PCDHA5: variants seen among roughly 807,000 people sequenced by gnomAD.
PCDHA5 encodes protocadherin alpha-5.
PCDHA5 carries 43 observed loss-of-function variants against 61.6 expected under a neutral mutation model. That is an observed-to-expected ratio of 0.70 (90% CI 0.55 to 0.90). The LOEUF is 0.90. Among genes scored for constraint, PCDHA5 ranks in the 40% least tolerant of loss-of-function variants. PCDHA5 has a pLI of 0.00. For missense variants in PCDHA5, 1,298 were observed against 1,222.7 expected, an observed-to-expected ratio of 1.06 and a Z score of -0.92; for synonymous variants, 627 against 543.9, an observed-to-expected ratio of 1.15 and a Z score of -2.13.
At chr5:140,990,740 G>A (rs76434886) in intron 3 of PCDHA5, among the ~76,000 whole-genome samples, 1 of 152,170 alleles carries the variant, frequency 6.6e-6, no homozygotes, top group African/African-American at 2.4e-5. Flanking sequence ...AACAGCCCTA[G>A]GGTGGATACC....
intron 1 of PCDHA5, chr5:140,858,571 C>T: frequency 7.3e-7 from 1 of 1,362,320 alleles, no homozygotes. Flanking sequence ...CTAGTGATAC[C>T]TTTGTAATAT....
At chr5:140,867,200 A>G (rs1239575601) in intron 1 of PCDHA5, 1 of 152,126 alleles carries the variant, frequency 6.6e-6, no homozygotes, top group African/African-American at 2.4e-5. Context: ...TCCACATTCC[A>G]TGTAACATCT....
intron 1 of PCDHA5, chr5:140,858,722 C>T: frequency 2.0e-6 from 1 of 497,160 alleles, no homozygotes. Context: ...GGTTGCAGTT[C>T]TGACGATTTA....
At chr5:141,008,707 T>C (rs1255261995) in intron 3 of PCDHA5, among the ~76,000 whole-genome samples, 1 of 152,216 alleles carries the variant, frequency 6.6e-6, no homozygotes, top group Non-Finnish European at 1.5e-5. Flanking sequence ...TGGTTTCTAG[T>C]TGCTTGAGTG....
At chr5:140,947,083 A>G (rs1268359945) in intron 1 of PCDHA5, among the ~76,000 whole-genome samples, 2 of 151,728 alleles carry the variant, frequency 1.3e-5, no homozygotes, top group Non-Finnish European at 3.0e-5. Context: ...TTGAAACATC[A>G]GACTGTAGCC....
At chr5:140,850,364 C>T in intron 1 of PCDHA5, 1 of 1,597,830 alleles carries the variant, frequency 6.3e-7, no homozygotes, top group Non-Finnish European at 8.6e-7. Flanking sequence ...TCCCGTTCCG[C>T]GTGGGGCTGT....
chr5:140,902,572 G>A (rs1249141591), intron 1 of PCDHA5, among the ~76,000 whole-genome samples: 1 of 151,954 alleles, frequency 6.6e-6, no homozygotes, highest in Non-Finnish European at 1.5e-5. Flanking sequence ...GGGTTTTTAA[G>A]ATTTCAATAG....
chr5:140,967,053 G>A (rs1563359791), intron 1 of PCDHA5: 4 of 1,612,648 alleles, frequency 2.5e-6, no homozygotes, highest in Non-Finnish European at 3.4e-6. Flanking sequence ...GACCTGACGA[G>A]TGGAGCGCTC....
At chr5:140,937,866 C>T (rs892440956) in intron 1 of PCDHA5, among the ~76,000 whole-genome samples, 4 of 150,734 alleles carry the variant, frequency 2.7e-5, no homozygotes, top group African/African-American at 4.9e-5. Flanking sequence ...GAGCCGAGAT[C>T]GCGCCACTGC....
At chr5:140,999,947 G>A (rs993598998) in intron 3 of PCDHA5, among the ~76,000 whole-genome samples, 1 of 152,110 alleles carries the variant, frequency 6.6e-6, no homozygotes, top group Non-Finnish European at 1.5e-5. Flanking sequence ...CACCCAAAGA[G>A]GGTGAAATAC....
chr5:140,888,620 C>T lies in PCDHA5; in HGVS notation c.2352+64493C>T, dbSNP rs183005411. Among the ~76,000 whole-genome samples the T allele has an allele frequency of 3.4e-3, 514 of 152,264 alleles. 3 individuals are homozygous for T. The highest frequency in any genetic ancestry group is 0.014 in the Middle Eastern group (4 of 294). On this transcript the variant is annotated intron_variant, in intron 1 of 3. Coordinates refer to ENST00000529859, the MANE Select transcript of PCDHA5 (RefSeq NM_018908.3). ...AGCAGCTTTTAGTGTAGCACTAATT[C>T]GGCCTTCTATTACAGCAATACTTTC...
At chr5:140,911,474 C>T (rs782702993) in intron 1 of PCDHA5, among the ~76,000 whole-genome samples, 45 of 152,144 alleles carry the variant, frequency 3.0e-4, no homozygotes, top group Non-Finnish European at 2.8e-4. Flanking sequence ...ATAAGACTCT[C>T]ACTCAGGGCA....
intron 1 of PCDHA5, among the ~76,000 whole-genome samples, chr5:140,976,889 T>A (rs2096736169): frequency 6.6e-6 from 1 of 152,218 alleles, no homozygotes; most frequent in Admixed American, 6.5e-5. Context: ...TTAGGATACA[T>A]GCAACAGTAT....
In PCDHA5 at chr5:140,823,460, C is replaced by A; in HGVS notation, c.1685C>A (p.Pro562Gln). Residue 562 changes from proline to glutamine, a missense_variant, in exon 1 of 4, where the codon CCG becomes CAG. Pro to Gln is a moderately conservative substitution (Grantham distance 76). Transcript: ENST00000529859. The stretch of plus-strand genomic sequence containing the variant: ...GTGCTGGACGAGAACGACAACGCGC[C>A]GGCGCTGCTGGTGCCTCGAGTGGGT... Reference protein sequence around the residue: ...VFVLDENDNAPALLVPRVGGT... With the variant: ...VFVLDENDNAQALLVPRVGGT... 6.2e-7 allele frequency: 1 copy of A among 1,613,408 alleles called. No individual in the cohort carries two copies. The highest frequency in any genetic ancestry group is 8.5e-7 in the Non-Finnish European group (1 of 1,179,740).
At position 140,990,371 on chromosome 5, in the gene PCDHA5, A is replaced by G. The variant is rs570757505; in HGVS notation, c.2500+7808A>G. Reference sequence around the variant, plus strand: ...CCTGTACAGAAAATCTAATAAAGCAAATTTGTTGGTGATGTTCCAAGAAGG... The same window carrying G: ...CCTGTACAGAAAATCTAATAAAGCAGATTTGTTGGTGATGTTCCAAGAAGG... On this transcript the variant is annotated intron_variant, in intron 3 of 3. Coordinates refer to ENST00000529859, the MANE Select transcript of PCDHA5 (RefSeq NM_018908.3). 7.2e-5 allele frequency among the ~76,000 whole-genome samples: 11 copies of G among 152,154 alleles called. No homozygotes were observed. The East Asian group carries it at 1.9e-3, about 27-fold the overall frequency.
intron 1 of PCDHA5, among the ~76,000 whole-genome samples, chr5:140,946,207 A>G (rs1435472095): frequency 2.0e-5 from 3 of 152,068 alleles, no homozygotes; most frequent in Non-Finnish European, 4.4e-5. Flanking sequence ...AAAGCACACA[A>G]ATGACCAACA....
intron 1 of PCDHA5, chr5:140,825,401 T>C (rs112444110): frequency 1.4e-5 from 2 of 144,590 alleles, no homozygotes; most frequent in Non-Finnish European, 3.0e-5. Context: ...TCTAATATAT[T>C]ATATATTTTA....
rs2150129068 is a variant in PCDHA5 at position 140,823,777 on chromosome 5, C to T, written c.2002C>T (p.Leu668=). The T allele has an allele frequency of 6.2e-7, 1 of 1,613,860 alleles. No individual in the cohort carries two copies. The highest frequency in any genetic ancestry group is 8.5e-7 in the Non-Finnish European group (1 of 1,179,916). The change falls in exon 1 of 4, where the codon CTG becomes TTG. Residue 668 remains leucine (L), a synonymous_variant. Coordinates refer to ENST00000529859, the MANE Select transcript of PCDHA5 (RefSeq NM_018908.3). ...AGCCACAGCCACAGTGCTGGTGTCG[C>T]TGGTGGAAAGTGGCCAGGCGCCGAA... ...LTATATVLVS[L]VESGQAPKAS...
intron 1 of PCDHA5, among the ~76,000 whole-genome samples, chr5:140,844,982 A>T (rs2150375491): frequency 6.7e-6 from 1 of 149,170 alleles, no homozygotes; most frequent in East Asian, 1.9e-4. Context: ...TATTGTTTTA[A>T]ATCTTTTAAT....
Sources: allele counts gnomAD v4.1 joint callset (sites outside exome capture counted in the v4.1 genomes callset), GRCh38; gene constraint gnomAD v4.1.1; transcripts MANE v1.5; gene names NCBI Gene and HGNC (gene_info 2026-07-23, HGNC 2026-07-21).